Variants in CAPRIN1 observed in about 807,000 individuals in gnomAD.
CAPRIN1 encodes cell cycle associated protein 1, also known as caprin-1.
A neutral mutation model predicts 100.9 loss-of-function variants in CAPRIN1; 29 were observed. The ratio of observed to expected loss-of-function variants is 0.29; its 90% CI spans 0.21 to 0.39. The LOEUF (loss-of-function observed/expected upper bound fraction) is 0.39. Ranked by LOEUF, CAPRIN1 falls within the 10% of genes least tolerant of loss-of-function variation. The pLI, the probability that CAPRIN1 is intolerant of heterozygous loss-of-function variation, is 1.00. For missense variants in CAPRIN1, 795 were observed against 876.7 expected (o/e 0.91, Z 1.18); for synonymous variants, 338 against 307.5 (o/e 1.10, Z -1.04).
At chr11:34,090,755 C>A in intron 14 of CAPRIN1, 77 bp downstream of exon 14, 1 of 1,262,484 alleles carries the variant, frequency 7.9e-7, no homozygotes, top group East Asian at 2.4e-5. Context: ...TTTTAAAGGT[C>A]TTCATTTAAC....
rs1404315595 is a variant in CAPRIN1, at chr11:34,101,553, G to GT, written c.*2189dup. On this transcript the variant is annotated 3_prime_UTR_variant, in exon 19 of 19. Coordinates refer to ENST00000341394, the MANE Select transcript of CAPRIN1 (RefSeq NM_005898.5). Reference sequence around the variant, plus strand: ...TTGTGAATGTGTAAAGGTGTTCATAGTTTGACTGTTTCTATGTATGTTTTT... The same window carrying GT: ...TTGTGAATGTGTAAAGGTGTTCATAGTTTTGACTGTTTCTATGTATGTTTTT... Among the ~76,000 whole-genome samples the GT allele has an allele frequency of 1.3e-5, 2 of 152,144 alleles. No homozygotes were observed. Among genetic ancestry groups the GT allele is most frequent in the African/African-American group, 2.4e-5 (1 of 41,436 alleles).
chr11:34,092,040 A>C lies in CAPRIN1; in HGVS notation c.1689A>C (p.Gln563His). The change falls in exon 15 of 19, where the codon CAA (glutamine) becomes CAC (histidine). Residue 563 changes from glutamine to histidine, a missense_variant. By Grantham distance (24) the Gln-to-His change is conservative. Coordinates refer to ENST00000341394, the MANE Select transcript of CAPRIN1 (RefSeq NM_005898.5). ...AAGTAGAACAAACAGAGCTTCAGCA[A>C]GAACAGCTTCAAACAGGTACGAAAT... Reference protein sequence around the residue: ...PHQVEQTELQQEQLQTVVGTY... With the variant: ...PHQVEQTELQHEQLQTVVGTY... The C allele has an allele frequency of 6.2e-7, 1 of 1,613,972 alleles. No homozygotes were observed. The highest frequency in any genetic ancestry group is 8.5e-7 in the Non-Finnish European group (1 of 1,179,960).
chr11:34,071,927 C>G lies in CAPRIN1; in HGVS notation c.306C>G (p.Val102=). ...ATGCCGTTTCTAAGTACCAGGAAGTCACAAATAATTTGGAGTTTGCAAAAG... is the reference window on the plus strand; with the variant it reads ...ATGCCGTTTCTAAGTACCAGGAAGTGACAAATAATTTGGAGTTTGCAAAAG... ...QLDAVSKYQE[V]TNNLEFAKEL... The change falls in exon 4 of 19, where the codon GTC becomes GTG. Residue 102 remains valine, a synonymous_variant. Coordinates refer to ENST00000341394, the MANE Select transcript of CAPRIN1 (RefSeq NM_005898.5). The G allele has an allele frequency of 6.2e-7, 1 of 1,613,388 alleles. No individual in the cohort carries two copies. Among genetic ancestry groups the G allele is most frequent in the South Asian group, 1.1e-5 (1 of 90,936 alleles).
rs116319749 is a variant in CAPRIN1 at position 34,094,234 on chromosome 11, G to A, written c.1705+2178G>A. ...GCTCACTGCAACCTCCGCCTCTTAG[G>A]TTCAATCGCTTGGGTTCAAGCGATT... On this transcript the variant is annotated intron_variant, in intron 15 of 18. Transcript: ENST00000341394. Among the ~76,000 whole-genome samples the A allele has an allele frequency of 6.4e-3, 979 of 152,072 alleles. 14 individuals carry two copies. The highest frequency in any genetic ancestry group is 0.022 in the African/African-American group (914 of 41,496).
intron 7 of CAPRIN1, among the ~76,000 whole-genome samples, chr11:34,082,373 G>C (rs1417039188): frequency 6.6e-6 from 1 of 152,038 alleles, no homozygotes; most frequent in African/African-American, 2.4e-5. Context: ...ATTTTTAGTA[G>C]AGTTGGGGTT....
chr11:34,076,165 TG>T, intron 4 of CAPRIN1, 70 bp from the exon 5 acceptor site: 1 of 1,061,086 alleles, frequency 9.4e-7, no homozygotes, highest in South Asian at 1.4e-5. Context: ...TTATTTAAGC[TG>T]GACCTGAAAT....
intron 7 of CAPRIN1, among the ~76,000 whole-genome samples, 164 bp downstream of exon 7, chr11:34,079,929 T>G (rs1172114703): frequency 2.6e-5 from 1 of 38,818 alleles, no homozygotes; most frequent in African/African-American, 8.2e-5. Flanking sequence ...TTTTTTTTTT[T>G]TTTTTTTTTT....
chr11:34,059,591 A>G (rs1325098073), intron 2 of CAPRIN1, among the ~76,000 whole-genome samples: 2 of 152,198 alleles, frequency 1.3e-5, no homozygotes, highest in Non-Finnish European at 2.9e-5. Flanking sequence ...TAAATTGGTA[A>G]TAAGCTCTTT....
chr11:34,083,025 C>CAGTTGA lies in CAPRIN1; in HGVS notation c.952_957dup (p.Val318_Glu319dup). On this transcript the variant is annotated inframe_insertion, in exon 9 of 19. Transcript: ENST00000341394. ...GAAAAGGAGCAGGTAGATGAGTGGA[C>CAGTTGA]AGTTGAAACGGTTGAGGTAAGAGTT... is the stretch of plus-strand genomic sequence containing the variant. 9 of 1,613,042 alleles carry CAGTTGA rather than the reference C, an allele frequency of 5.6e-6. No homozygotes were observed. Among genetic ancestry groups the CAGTTGA allele is most frequent in the Non-Finnish European group, 7.6e-6 (9 of 1,179,074 alleles).
intron 14 of CAPRIN1, among the ~76,000 whole-genome samples, chr11:34,091,375 C>T (rs936567018): frequency 1.3e-5 from 2 of 152,180 alleles, no homozygotes; most frequent in East Asian, 1.9e-4. Context: ...CAATATCCGC[C>T]TCCTGGGTTC....
Position 34,076,627 on chromosome 11 carries a change from G to C in CAPRIN1, c.673G>C (p.Val225Leu). Residue 225 changes from valine (V) to leucine (L), a missense_variant, in exon 6 of 19, where the codon GTA becomes CTA. Physicochemically the swap from Val to Leu is conservative, Grantham distance 32. Around this residue, in one of 3 missense-constraint regions of CAPRIN1, gnomAD observed 648 missense variants for 697.9 expected, o/e 0.93. Transcript: ENST00000341394. ...WDLLEGKEKP[V>L]CGTTYKVLKE... ...CCTGCTGGAAGGGAAGGAAAAACCT[G>C]TATGTGGAACCACCTGTGAGTATCA... is the stretch of plus-strand genomic sequence containing the variant. The C allele has an allele frequency of 6.2e-7, 1 of 1,611,500 alleles. No individual in the cohort carries two copies. Among genetic ancestry groups the C allele is most frequent in the Non-Finnish European group, 8.5e-7 (1 of 1,177,800 alleles).
intron 11 of CAPRIN1, among the ~76,000 whole-genome samples, chr11:34,087,230 CATAAA>C (rs1286052765): frequency 1.3e-5 from 2 of 151,492 alleles, no homozygotes; most frequent in African/African-American, 2.4e-5. Context: ...TGTTAAATAT[CATAAA>C]ATAAATTGCT....
rs780045448 is a variant in CAPRIN1 at position 34,076,667 on chromosome 11, A to G, written c.688+25A>G. ...TGTGAGTATCACTGTGATAACTTTG[A>G]TTTTATAACTAGGAATCTTTAAAAA... On this transcript the variant is annotated intron_variant, in intron 6 of 18. Transcript: ENST00000341394. 1.3e-4 allele frequency: 181 copies of G among 1,443,142 alleles called. 3 individuals carry two copies. In the South Asian group the frequency reaches 2.1e-3, roughly 17 times the overall value. 89.4% of individuals were successfully genotyped at this position (1,443,142 alleles called of 1,614,324 possible). A position where few individuals can be genotyped will look rare whatever the true frequency, so the allele number is the denominator to read the frequency against.
intron 9 of CAPRIN1, 123 bp downstream of exon 9, chr11:34,083,164 A>G (rs1851066731): frequency 3.0e-6 from 2 of 670,352 alleles, no homozygotes; most frequent in Non-Finnish European, 2.6e-6. Context: ...TAACAGACTC[A>G]TTACACCAGA....
chr11:34,071,664 C>A, intron 2 of CAPRIN1, 62 bp from the exon 3 acceptor site: 1 of 1,132,614 alleles, frequency 8.8e-7, no homozygotes. Context: ...TTTTGTCAAG[C>A]ATGCTTAAGC....
Position 34,100,951 on chromosome 11 carries a change from A to G in CAPRIN1, c.*1584A>G, listed in dbSNP as rs1253217563. 3 of 152,616 alleles carry G rather than the reference A, an allele frequency of 2.0e-5. No homozygotes were observed. The highest frequency in any genetic ancestry group is 7.2e-5 in the African/African-American group (3 of 41,432). The allele number at this position is 152,616 out of a possible 1,614,324, so 9.5% of individuals were successfully genotyped here. A position where few individuals can be genotyped will look rare whatever the true frequency, so the allele number is the denominator to read the frequency against. ...TTTTATTTTCAGCATTTAGCCCAGGAATTCTTCCAGTAGGTGCTCAGCTAT... is the reference window on the plus strand; with the variant it reads ...TTTTATTTTCAGCATTTAGCCCAGGGATTCTTCCAGTAGGTGCTCAGCTAT... On this transcript the variant is annotated 3_prime_UTR_variant, in exon 19 of 19. Coordinates refer to ENST00000341394, the MANE Select transcript of CAPRIN1 (RefSeq NM_005898.5).
rs1327739871 is a variant in CAPRIN1 at position 34,097,777 on chromosome 11, G to A, written c.2065+16G>A. The A allele has an allele frequency of 6.2e-7, 1 of 1,613,854 alleles. No homozygotes were observed. The highest frequency in any genetic ancestry group is 1.3e-5 in the African/African-American group (1 of 74,916). On this transcript the variant is annotated intron_variant, in intron 18 of 18. Coordinates refer to ENST00000341394, the MANE Select transcript of CAPRIN1 (RefSeq NM_005898.5). The stretch of plus-strand genomic sequence containing the variant: ...GCCCCACGAGGTAATATTTTGTGGT[G>A]GTGATCCTAGCTCCTAAGTGGAGCT...
At chr11:34,083,779 T>G (rs4587708) in intron 9 of CAPRIN1, among the ~76,000 whole-genome samples, 126,993 of 152,184 alleles carry the variant, frequency 0.83, 54,201 homozygotes, top group East Asian at 1. Context: ...ATCAAGACCA[T>G]TCTCTTGGCC....
chr11:34,080,129 T>C (rs1327078841), intron 7 of CAPRIN1, among the ~76,000 whole-genome samples: 1 of 152,060 alleles, frequency 6.6e-6, no homozygotes, highest in Non-Finnish European at 1.5e-5. Context: ...TTCACTGTGT[T>C]GGCCAGGATG....
Sources: gnomAD v4.1 joint callset for allele counts (sites outside exome capture counted in the v4.1 genomes callset) on GRCh38, gnomAD v4.1.1 for gene constraint, gnomAD v4.1.1 regional missense constraint, MANE v1.5 for transcripts, NCBI Gene and HGNC (gene_info 2026-07-23, HGNC 2026-07-21) for gene names.